TMEM117: variants seen among roughly 807,000 people sequenced by gnomAD.
TMEM117 encodes the protein transmembrane protein 117.
Under a neutral mutation model 52.4 loss-of-function variants are expected in TMEM117, and 27 were observed. The ratio of observed to expected loss-of-function variants is 0.51; its 90% CI spans 0.38 to 0.71. The LOEUF (loss-of-function observed/expected upper bound fraction) is 0.71, where lower values mean the gene tolerates loss of function less well. TMEM117 is among the 30% of genes least tolerant of loss of function. TMEM117 has a pLI of 0.00. For missense variants in TMEM117, 556 were observed against 630.5 expected, an observed-to-expected ratio of 0.88 and a Z score of 1.26; for synonymous variants, 215 against 206.3, an observed-to-expected ratio of 1.04 and a Z score of -0.36.
At chr12:44,231,739 T>C (rs945340026) in intron 5 of TMEM117, among the ~76,000 whole-genome samples, 2 of 151,830 alleles carry the variant, frequency 1.3e-5, no homozygotes, top group Non-Finnish European at 3.0e-5. Flanking sequence ...AAAATCTTTG[T>C]TTCTGAAGTG....
At chr12:44,304,695 G>T (rs1950882744) in intron 6 of TMEM117, among the ~76,000 whole-genome samples, 1 of 152,150 alleles carries the variant, frequency 6.6e-6, no homozygotes, top group Non-Finnish European at 1.5e-5. Flanking sequence ...TCTACCTCTG[G>T]ACAACATTTC....
At chr12:44,228,871 G>C (rs1360278419) in intron 5 of TMEM117, among the ~76,000 whole-genome samples, 3 of 152,134 alleles carry the variant, frequency 2.0e-5, no homozygotes, top group Non-Finnish European at 1.5e-5. Context: ...CACACACAGG[G>C]TGTAGCAGAA....
At chr12:43,806,973 G>T in the TMEM117 span, among the ~76,000 whole-genome samples, 3 of 152,194 alleles carry the variant, frequency 2.0e-5, no homozygotes, top group Non-Finnish European at 4.4e-5. Flanking sequence ...CTCTGCTTTA[G>T]GTTGGCAGTT....
intron 3 of TMEM117, among the ~76,000 whole-genome samples, chr12:43,949,142 C>A (rs1945180557): frequency 6.6e-6 from 1 of 152,112 alleles, no homozygotes; most frequent in African/African-American, 2.4e-5. Context: ...GGAAAGAATT[C>A]AGCTAAGGGA....
chr12:43,894,594 C>T (rs1407525359), intron 2 of TMEM117, among the ~76,000 whole-genome samples: 1 of 151,992 alleles, frequency 6.6e-6, no homozygotes, highest in African/African-American at 2.4e-5. Flanking sequence ...CTGCTACCCT[C>T]TGTGTAAGTC....
At chr12:44,097,301 G>C (rs1409993012) in intron 3 of TMEM117, among the ~76,000 whole-genome samples, 3 of 152,162 alleles carry the variant, frequency 2.0e-5, no homozygotes, top group African/African-American at 4.8e-5. Context: ...GTGGAAGTCA[G>C]TGTGGTGATT....
At chr12:44,117,813 T>C (rs1025066383) in intron 3 of TMEM117, among the ~76,000 whole-genome samples, 1 of 152,148 alleles carries the variant, frequency 6.6e-6, no homozygotes, top group African/African-American at 2.4e-5. Context: ...TATTTGACTC[T>C]CCTTTAAGTA....
intron 3 of TMEM117, among the ~76,000 whole-genome samples, chr12:44,114,864 A>G (rs1371906889): frequency 6.6e-6 from 1 of 152,062 alleles, no homozygotes; most frequent in Non-Finnish European, 1.5e-5. Flanking sequence ...CTGTATGTGG[A>G]CTCTATTCTA....
At chr12:44,148,680 A>T (rs981700529) in intron 4 of TMEM117, among the ~76,000 whole-genome samples, 1 of 152,160 alleles carries the variant, frequency 6.6e-6, no homozygotes, top group Middle Eastern at 3.2e-3. Flanking sequence ...AAAAGTTAAA[A>T]ACTCTTCCTG....
intron 2 of TMEM117, among the ~76,000 whole-genome samples, chr12:43,863,454 T>G (rs887131715): frequency 1.3e-5 from 2 of 152,168 alleles, no homozygotes; most frequent in Non-Finnish European, 2.9e-5. Flanking sequence ...AGTGACTCTT[T>G]GAAAAGATCA....
intron 3 of TMEM117, among the ~76,000 whole-genome samples, chr12:44,086,999 A>T (rs893665459): frequency 6.8e-6 from 1 of 147,760 alleles, no homozygotes; most frequent in African/African-American, 2.5e-5. Context: ...TAATAATTAT[A>T]AATTATGTAT....
At chr12:44,037,370 C>T (rs1326967867) in intron 3 of TMEM117, among the ~76,000 whole-genome samples, 1 of 152,180 alleles carries the variant, frequency 6.6e-6, no homozygotes. Context: ...ATGCTCACTC[C>T]CATTTCAAGC....
intron 3 of TMEM117, among the ~76,000 whole-genome samples, chr12:43,972,641 T>G (rs374678709): frequency 6.6e-6 from 1 of 152,278 alleles, no homozygotes; most frequent in East Asian, 1.9e-4. Flanking sequence ...TTGGTCCATT[T>G]TACAAACCTC....
In TMEM117 at chr12:43,982,428, A is replaced by G. The variant is rs565215047; in HGVS notation, c.410+38086A>G. ...TGAGTCTACACACTGGCTTCACGTT[A>G]GGTACAGGAAAATATGGTTACTGCT... On this transcript the variant is annotated intron_variant, in intron 3 of 7. Transcript: ENST00000266534. 3.2e-4 allele frequency among the ~76,000 whole-genome samples: 49 copies of G among 152,218 alleles called. 1 individual carries two copies. Among genetic ancestry groups the G allele is most frequent in the Non-Finnish European group, 1.2e-4 (8 of 68,032 alleles).
chr12:43,845,824 A>G (rs1943197966), intron 2 of TMEM117, among the ~76,000 whole-genome samples: 1 of 152,204 alleles, frequency 6.6e-6, no homozygotes, highest in African/African-American at 2.4e-5. Flanking sequence ...TAGTTTGCTC[A>G]GAATGATGGT....
At chr12:44,008,862 TA>T in intron 3 of TMEM117, 1 of 436,290 alleles carries the variant, frequency 2.3e-6, no homozygotes, top group Non-Finnish European at 4.5e-6. Flanking sequence ...GTGTCATGAC[TA>T]AAGCATTTCC....
At chr12:44,306,792 T>A (rs898357350) in intron 6 of TMEM117, among the ~76,000 whole-genome samples, 13 of 152,232 alleles carry the variant, frequency 8.5e-5, no homozygotes, top group Admixed American at 7.9e-4. Flanking sequence ...AGCAGGAGAA[T>A]GAACTATCAA....
chr12:44,046,522 A>G (rs895348757), intron 3 of TMEM117, among the ~76,000 whole-genome samples: 2 of 152,176 alleles, frequency 1.3e-5, no homozygotes, highest in African/African-American at 4.8e-5. Context: ...CAGGACTACA[A>G]ATGACCCAGA....
intron 5 of TMEM117, among the ~76,000 whole-genome samples, chr12:44,244,706 T>C (rs1950107273): frequency 6.6e-6 from 1 of 152,016 alleles, no homozygotes; most frequent in African/African-American, 2.4e-5. Context: ...TCATTTGATG[T>C]CATCTCATTT....
Sources: gnomAD v4.1 joint callset for allele counts (sites outside exome capture counted in the v4.1 genomes callset) on GRCh38, gnomAD v4.1.1 for gene constraint, MANE v1.5 for transcripts, NCBI Gene and HGNC (gene_info 2026-07-23, HGNC 2026-07-21) for gene names.